The following ANKRD17 variants were observed in gnomAD, a reference collection of about 807,000 sequenced individuals.
ANKRD17 encodes the protein ankyrin repeat domain-containing protein 17.
Under a neutral mutation model 229.7 loss-of-function variants are expected in ANKRD17, and 19 were observed. The ratio of observed to expected loss-of-function variants is 0.08; its 90% CI spans 0.06 to 0.12. ANKRD17 has a LOEUF of 0.12. Ranked by LOEUF, ANKRD17 falls within the 10% of genes least tolerant of loss-of-function variation. ANKRD17 has a pLI of 1.00. For missense variants in ANKRD17, 2,176 were observed against 3,176.8 expected, an observed-to-expected ratio of 0.68 and a Z score of 7.57; for synonymous variants, 1,112 against 1,146.1, an observed-to-expected ratio of 0.97 and a Z score of 0.60.
intron 7 of ANKRD17, among the ~76,000 whole-genome samples, chr4:73,151,213 A>G (rs1272595041): frequency 1.3e-5 from 2 of 152,146 alleles, no homozygotes; most frequent in Admixed American, 1.3e-4. Context: ...AATCTTTACA[A>G]GAGTGACTTT....
Position 73,144,726 on chromosome 4 carries a change from C to T in ANKRD17, c.1957+19G>A. 1.3e-6 allele frequency: 2 copies of T among 1,503,058 alleles called. No homozygotes were observed. Among genetic ancestry groups the T allele is most frequent in the Non-Finnish European group, 1.8e-6 (2 of 1,124,746 alleles). 93.1% of individuals were successfully genotyped at this position (1,503,058 alleles called of 1,614,324 possible). ...GTAGATACCTTTCAAAAAAAGACAACTGTTTTATACAAACCTACCTTTACT... is the reference window on the plus strand; with the variant it reads ...GTAGATACCTTTCAAAAAAAGACAATTGTTTTATACAAACCTACCTTTACT... On this transcript the variant is annotated intron_variant, in intron 11 of 33. Transcript: ENST00000358602.
chr4:73,175,055 CAGA>C (rs999187589), intron 2 of ANKRD17, among the ~76,000 whole-genome samples: 14 of 152,138 alleles, frequency 9.2e-5, no homozygotes, highest in African/African-American at 3.4e-4. Flanking sequence ...ACATTATTTA[CAGA>C]AGTAGAAAAA....
intron 1 of ANKRD17, among the ~76,000 whole-genome samples, chr4:73,225,511 ATC>A (rs1433011358): frequency 6.6e-6 from 1 of 152,122 alleles, no homozygotes; most frequent in African/African-American, 2.4e-5. Context: ...ATCATTTATT[ATC>A]TGTCTCCCTT....
At chr4:73,238,835 C>T (rs547238543) in intron 1 of ANKRD17, among the ~76,000 whole-genome samples, 94 of 152,280 alleles carry the variant, frequency 6.2e-4, no homozygotes, top group African/African-American at 2.1e-3. Context: ...TCATGTGAGA[C>T]TACCCATGTT....
chr4:73,227,633 T>C (rs1407255956), intron 1 of ANKRD17, among the ~76,000 whole-genome samples: 1 of 151,946 alleles, frequency 6.6e-6, no homozygotes, highest in African/African-American at 2.4e-5. Flanking sequence ...AAAGAAAATA[T>C]TGACTGAAAA....
At chr4:73,190,755 A>G (rs566222420) in intron 1 of ANKRD17, among the ~76,000 whole-genome samples, 2 of 152,150 alleles carry the variant, frequency 1.3e-5, no homozygotes, top group South Asian at 4.1e-4. Context: ...GCAATAACCC[A>G]TGAGAAAATA....
At position 73,147,324 on chromosome 4, in the gene ANKRD17, T is replaced by A; in HGVS notation, c.1676A>T (p.Asp559Val). The change falls in exon 9 of 34, where the codon GAT (aspartate) becomes GTT (valine). Residue 559 changes from aspartate (D) to valine (V), a missense_variant. Physicochemically the swap from Asp to Val is radical, Grantham distance 152. Coordinates refer to ENST00000358602, the MANE Select transcript of ANKRD17 (RefSeq NM_032217.5). ...AGGGGTAGAACACCCTAGTTCTATA[T>A]CGGCTCCTGCCTTAATTAGAAAGTC... Reference protein sequence around the residue: ...VADFLIKAGADIELGCSTPLM... With the variant: ...VADFLIKAGAVIELGCSTPLM... 1 of 1,610,340 alleles carries A rather than the reference T, an allele frequency of 6.2e-7. No individual in the cohort carries two copies. Among genetic ancestry groups the A allele is most frequent in the Non-Finnish European group, 8.5e-7 (1 of 1,177,860 alleles).
chr4:73,221,565 T>C (rs1457803958), intron 1 of ANKRD17, among the ~76,000 whole-genome samples: 1 of 152,202 alleles, frequency 6.6e-6, no homozygotes, highest in Non-Finnish European at 1.5e-5. Flanking sequence ...TAGAACTCTG[T>C]AATCTAATTA....
intron 1 of ANKRD17, among the ~76,000 whole-genome samples, chr4:73,184,288 G>C (rs1035958147): frequency 2.0e-5 from 3 of 152,004 alleles, no homozygotes; most frequent in Admixed American, 6.6e-5. Context: ...CAGCATTTTG[G>C]GAGGCCAAGG....
intron 29 of ANKRD17, among the ~76,000 whole-genome samples, chr4:73,087,017 C>G (rs1195913146): frequency 7.5e-6 from 1 of 133,324 alleles, no homozygotes; most frequent in Non-Finnish European, 1.6e-5. Flanking sequence ...CAAAAAAGGG[C>G]TGTAGATACA....
intron 29 of ANKRD17, among the ~76,000 whole-genome samples, chr4:73,089,719 A>T (rs1433700611): frequency 4.6e-5 from 7 of 152,102 alleles, no homozygotes; most frequent in Non-Finnish European, 5.9e-5. Flanking sequence ...AGTTTTTTTT[A>T]AAAAAGCAAT....
chr4:73,154,782 C>T (rs952657033), intron 5 of ANKRD17, among the ~76,000 whole-genome samples: 3 of 152,246 alleles, frequency 2.0e-5, no homozygotes, highest in East Asian at 1.9e-4. Flanking sequence ...TGGCTCACGC[C>T]TGTAATCCCA....
chr4:73,172,114 C>T lies in ANKRD17; in HGVS notation c.547+5266G>A, dbSNP rs369003308. Among the ~76,000 whole-genome samples the T allele has an allele frequency of 1.9e-4, 29 of 152,124 alleles. No individual in the cohort carries two copies. The East Asian group carries it at 2.5e-3, about 13-fold the overall frequency. ...CAGATTTAACCCAAAGAAGACTACC[C>T]CAAGGCACTTAATAATCAAACTTCC... is the stretch of plus-strand genomic sequence containing the variant. On this transcript the variant is annotated intron_variant, in intron 2 of 33. Coordinates refer to ENST00000358602, the MANE Select transcript of ANKRD17 (RefSeq NM_032217.5).
At chr4:73,142,430 A>G (rs919368142) in intron 12 of ANKRD17, 45 bp from the exon 13 acceptor site, 35 of 1,581,930 alleles carry the variant, frequency 2.2e-5, no homozygotes, top group Non-Finnish European at 2.8e-5. Context: ...AAGAAAAATA[A>G]GTTAGTTTAC....
At chr4:73,183,393 C>T (rs1480020355) in intron 1 of ANKRD17, among the ~76,000 whole-genome samples, 1 of 152,138 alleles carries the variant, frequency 6.6e-6, no homozygotes, top group Non-Finnish European at 1.5e-5. Context: ...GAAAACAAAG[C>T]TTCATGGCAA....
chr4:73,156,280 CTG>C, intron 3 of ANKRD17, 114 bp from the exon 4 acceptor site: 5 of 1,309,250 alleles, frequency 3.8e-6, no homozygotes, highest in Non-Finnish European at 5.1e-6. Context: ...GAGTCTTGCT[CTG>C]TCACCCAGGA....
chr4:73,216,489 G>GATATCCTTA (rs1460713714), intron 1 of ANKRD17, among the ~76,000 whole-genome samples: 1 of 152,122 alleles, frequency 6.6e-6, no homozygotes, highest in Non-Finnish European at 1.5e-5. Flanking sequence ...AATGGCGGGG[G>GATATCCTTA]TGACAGCATA....
At chr4:73,179,277 T>C (rs1375138686) in intron 1 of ANKRD17, among the ~76,000 whole-genome samples, 2 of 151,424 alleles carry the variant, frequency 1.3e-5, no homozygotes, top group Admixed American at 1.3e-4. Context: ...ATTCTAAAAA[T>C]ATTCTGTAAA....
At position 73,091,203 on chromosome 4, in the gene ANKRD17, G is replaced by A. The variant is rs1289855213; in HGVS notation, c.6425C>T (p.Thr2142Ile). 7 of 1,614,086 alleles carry A rather than the reference G, an allele frequency of 4.3e-6. No homozygotes were observed. Among genetic ancestry groups the A allele is most frequent in the Middle Eastern group, 1.6e-4 (1 of 6,084 alleles). The change falls in exon 29 of 34, where the codon ACA becomes ATA. Residue 2142 changes from threonine (T) to isoleucine (I), a missense_variant. Thr to Ile is a moderately conservative substitution (Grantham distance 89, BLOSUM62 -1). Transcript: ENST00000358602. ...AGGCACCGCCACTGGAGCAGAACTT[G>A]TTGCTAAAGGAGGAACAGTCATTCT... ...EVRMTVPPLA[T>I]SSAPVAVPST...
Sources: gnomAD v4.1 joint callset for allele counts (sites outside exome capture counted in the v4.1 genomes callset) on GRCh38, gnomAD v4.1.1 for gene constraint, MANE v1.5 for transcripts, NCBI Gene and HGNC (gene_info 2026-07-23, HGNC 2026-07-21) for gene names.